FSTL5: variants seen among roughly 807,000 people sequenced by gnomAD.
FSTL5 encodes the protein follistatin like 5.
FSTL5 carries 62 observed loss-of-function variants against 89.1 expected under a neutral mutation model. The ratio of observed to expected loss-of-function variants is 0.70; its 90% CI spans 0.57 to 0.86. The LOEUF (loss-of-function observed/expected upper bound fraction) is 0.86. Among genes scored for constraint, FSTL5 ranks in the 40% least tolerant of loss-of-function variants. FSTL5 has a pLI of 0.00. For synonymous variants in FSTL5, 383 were observed against 346.2 expected, an observed-to-expected ratio of 1.11 and a Z score of -1.18; for missense variants, 1,057 against 1,001.6, an observed-to-expected ratio of 1.06 and a Z score of -0.75.
At chr4:161,506,233 A>ATT (rs35624791) in intron 11 of FSTL5, among the ~76,000 whole-genome samples, 1 of 145,822 alleles carries the variant, frequency 6.9e-6, no homozygotes, top group African/African-American at 2.5e-5. Flanking sequence ...CACGCCCGGC[A>ATT]TTTTTTTTTT....
intron 3 of FSTL5, among the ~76,000 whole-genome samples, chr4:161,979,663 A>G (rs1467106092): frequency 6.6e-6 from 1 of 152,082 alleles, no homozygotes; most frequent in Middle Eastern, 3.2e-3. Context: ...AATTGTACAA[A>G]GGGGTACCCA....
intron 11 of FSTL5, among the ~76,000 whole-genome samples, chr4:161,501,685 T>C (rs1730298623): frequency 6.6e-6 from 1 of 152,016 alleles, no homozygotes; most frequent in Non-Finnish European, 1.5e-5. Flanking sequence ...AGACGGAATA[T>C]TCCTGAACAG....
intron 4 of FSTL5, among the ~76,000 whole-genome samples, chr4:161,818,933 C>T (rs1482499650): frequency 4.0e-5 from 6 of 151,616 alleles, no homozygotes; most frequent in Non-Finnish European, 7.4e-5. Flanking sequence ...TTTTATTTTC[C>T]TTTTAAAACC....
intron 3 of FSTL5, among the ~76,000 whole-genome samples, chr4:162,016,148 G>A (rs1736910978): frequency 6.6e-6 from 1 of 152,084 alleles, no homozygotes; most frequent in African/African-American, 2.4e-5. Context: ...TAAAGTGTCT[G>A]AAATAAAGTA....
At position 162,064,057 on chromosome 4, in the gene FSTL5, C is replaced by A. The variant is rs559003101; in HGVS notation, c.127-30399G>T. Among the ~76,000 whole-genome samples, 105 of 151,896 alleles carry A rather than the reference C, an allele frequency of 6.9e-4. 1 individual carries two copies. Among genetic ancestry groups the A allele is most frequent in the African/African-American group, 2.5e-3 (104 of 41,484 alleles). On this transcript the variant is annotated intron_variant, in intron 2 of 15. Coordinates refer to ENST00000306100, the MANE Select transcript of FSTL5 (RefSeq NM_020116.5). The stretch of plus-strand genomic sequence containing the variant: ...TACTTACATTTTTTTTCTATCTTCT[C>A]TCTGTTAATTATTTAGCTGTTTCTT...
intron 6 of FSTL5, among the ~76,000 whole-genome samples, chr4:161,695,888 A>AT: frequency 6.6e-6 from 1 of 151,978 alleles, no homozygotes; most frequent in Admixed American, 6.5e-5. Flanking sequence ...TATTGAGAAG[A>AT]TTTTTTCCCA....
chr4:161,935,639 C>T (rs946022680), intron 3 of FSTL5, among the ~76,000 whole-genome samples: 17 of 151,930 alleles, frequency 1.1e-4, no homozygotes, highest in African/African-American at 4.1e-4. Context: ...TTTTTTAAAG[C>T]TCGTGGATAT....
At chr4:161,428,953 T>C (rs986062348) in intron 15 of FSTL5, among the ~76,000 whole-genome samples, 2 of 151,782 alleles carry the variant, frequency 1.3e-5, no homozygotes, top group Non-Finnish European at 2.9e-5. Context: ...TTTTGGCCCT[T>C]GGATGACATT....
At chr4:161,400,617 A>G (rs1351880046) in intron 15 of FSTL5, among the ~76,000 whole-genome samples, 1 of 152,138 alleles carries the variant, frequency 6.6e-6, no homozygotes, top group Admixed American at 6.6e-5. Flanking sequence ...CAATGAGGTA[A>G]TGATAGAACT....
chr4:161,909,267 C>T (rs1733624361), intron 4 of FSTL5, among the ~76,000 whole-genome samples: 1 of 152,090 alleles, frequency 6.6e-6, no homozygotes, highest in African/African-American at 2.4e-5. Flanking sequence ...ATAAAGCGGA[C>T]ATAACATAAT....
intron 6 of FSTL5, among the ~76,000 whole-genome samples, chr4:161,740,826 T>A (rs988852283): frequency 1.3e-5 from 2 of 152,176 alleles, no homozygotes; most frequent in African/African-American, 4.8e-5. Context: ...ATGAGGAAGC[T>A]TATAAACAAC....
intron 1 of FSTL5, among the ~76,000 whole-genome samples, chr4:162,132,992 G>A (rs557363634): frequency 6.6e-6 from 1 of 152,138 alleles, no homozygotes; most frequent in Non-Finnish European, 1.5e-5. Flanking sequence ...GCCCAGGCTG[G>A]AGTGCAGTGG....
At chr4:161,737,798 GA>G (rs5863478) in intron 6 of FSTL5, among the ~76,000 whole-genome samples, 96 of 149,898 alleles carry the variant, frequency 6.4e-4, no homozygotes, top group Admixed American at 1.2e-3. Flanking sequence ...TAGAGATAAA[GA>G]AAAAAAAATG....
intron 15 of FSTL5, among the ~76,000 whole-genome samples, chr4:161,451,074 A>G (rs1001867214): frequency 6.6e-6 from 1 of 152,018 alleles, no homozygotes; most frequent in Admixed American, 6.6e-5. Flanking sequence ...AGCCACTTTT[A>G]ATTTTACCTA....
chr4:161,498,319 G>T (rs1171415529), intron 12 of FSTL5, among the ~76,000 whole-genome samples: 3 of 151,902 alleles, frequency 2.0e-5, no homozygotes, highest in African/African-American at 7.3e-5. Context: ...TCAAATTTTT[G>T]CTTGTTTTTT....
intron 1 of FSTL5, among the ~76,000 whole-genome samples, chr4:162,129,367 C>A (rs187486295): frequency 9.9e-4 from 150 of 152,276 alleles, no homozygotes; most frequent in Middle Eastern, 6.8e-3. Context: ...AAAACAATAT[C>A]TCCCAGAAAA....
intron 2 of FSTL5, among the ~76,000 whole-genome samples, chr4:162,090,459 T>G (rs920380970): frequency 6.6e-6 from 1 of 151,960 alleles, no homozygotes; most frequent in Non-Finnish European, 1.5e-5. Context: ...AAAAAAGACG[T>G]GGATGCACCC....
intron 7 of FSTL5, among the ~76,000 whole-genome samples, chr4:161,654,916 G>A (rs1736464530): frequency 6.6e-6 from 1 of 152,106 alleles, no homozygotes; most frequent in Non-Finnish European, 1.5e-5. Flanking sequence ...TAGCATAGAA[G>A]GAACAGGTGA....
At chr4:161,924,873 T>C (rs1317594548) in intron 3 of FSTL5, among the ~76,000 whole-genome samples, 1 of 151,862 alleles carries the variant, frequency 6.6e-6, no homozygotes, top group Non-Finnish European at 1.5e-5. Context: ...GTCAAGTTAT[T>C]TGAGGTGTTC....
Sources: allele counts gnomAD v4.1 joint callset (sites outside exome capture counted in the v4.1 genomes callset), GRCh38; gene constraint gnomAD v4.1.1; transcripts MANE v1.5; gene names NCBI Gene and HGNC (gene_info 2026-07-23, HGNC 2026-07-21).